The following PBRM1 variants were observed in gnomAD, a reference collection of about 807,000 sequenced individuals.
PBRM1 encodes the protein polybromo 1.
A neutral mutation model predicts 194.5 loss-of-function variants in PBRM1; 27 were observed. The observed-to-expected ratio is 0.14, with a 90% CI of 0.10 to 0.19. PBRM1 has a LOEUF of 0.19. Ranked by LOEUF, PBRM1 falls within the 10% of genes least tolerant of loss-of-function variation. The probability of loss-of-function intolerance (pLI) is 1.00; values close to 1 mark genes in which losing one functional copy is unlikely to be tolerated. For synonymous variants in PBRM1, 655 were observed against 693.2 expected, an observed-to-expected ratio of 0.94 and a Z score of 0.87; for missense variants, 1,466 against 2,077.2, an observed-to-expected ratio of 0.71 and a Z score of 5.72.
At chr3:52,545,914 C>T (rs539614637), downstream of PBRM1, 1 of 232,874 alleles carries the variant, frequency 4.3e-6, no homozygotes, top group African/African-American at 2.2e-5. Context: ...AACGATATCC[C>T]CCAAGTTAAT....
chr3:52,590,707 C>T (rs11708075), intron 17 of PBRM1, among the ~76,000 whole-genome samples: 51,428 of 152,058 alleles, frequency 0.34, 9,711 homozygotes, highest in Admixed American at 0.46. Flanking sequence ...AAGTGATCTG[C>T]CCGCCTTAGC....
At chr3:52,614,373 CAAAAAAA>C (rs1165930996) in intron 15 of PBRM1, among the ~76,000 whole-genome samples, 3 of 40,920 alleles carry the variant, frequency 7.3e-5, no homozygotes, top group African/African-American at 9.2e-5. Context: ...GATGCTTCAT[CAAAAAAA>C]AAAAAAAAAA....
chr3:52,586,694 G>GGGT lies in PBRM1; in HGVS notation c.3124-9_3124-7dup. On this transcript the variant is annotated splice_region_variant and splice_polypyrimidine_tract_variant and intron_variant, in intron 19 of 29. Transcript: ENST00000296302. ...GGGCATAACTTAAAGTATTCCTGGG[G>GGGT]GGTGGGGAGGGCATAAGAATAAAAC... 6.3e-7 allele frequency: 1 copy of GGGT among 1,586,412 alleles called. No homozygotes were observed.
At chr3:52,677,567 C>T (rs1469166566) in intron 2 of PBRM1, among the ~76,000 whole-genome samples, 1 of 152,134 alleles carries the variant, frequency 6.6e-6, no homozygotes, top group Non-Finnish European at 1.5e-5. Flanking sequence ...CGCCCACCAC[C>T]AAGCCTGGCT....
At chr3:52,669,700 A>G (rs191788637) in intron 2 of PBRM1, among the ~76,000 whole-genome samples, 1 of 152,306 alleles carries the variant, frequency 6.6e-6, no homozygotes, top group Non-Finnish European at 1.5e-5. Flanking sequence ...AATTATTTTT[A>G]AATTTGTATT....
At chr3:52,681,480 G>A (rs2097204456), upstream of PBRM1, among the ~76,000 whole-genome samples, 1 of 152,084 alleles carries the variant, frequency 6.6e-6, no homozygotes, top group Admixed American at 6.6e-5. Context: ...GCTGATTTTT[G>A]TTCATTTTAT....
chr3:52,650,382 C>T lies in PBRM1; in HGVS notation c.714+1360G>A, dbSNP rs1203616754. Among the ~76,000 whole-genome samples the T allele has an allele frequency of 2.5e-5, 3 of 118,230 alleles. No homozygotes were observed. The Admixed American group carries it at 2.9e-4, about 11-fold the overall frequency. The allele number at this position is 118,230 out of a possible 152,430, so 77.6% of individuals were successfully genotyped here. ...GTCTCAAAAAAAAAAAAAAAAAAAA[C>T]CCTAAAAAAAAAAAAAGATGATACA... On this transcript the variant is annotated intron_variant, in intron 6 of 29. Coordinates refer to ENST00000296302, the Ensembl canonical transcript of PBRM1.
chr3:52,570,532 C>A lies in PBRM1; in HGVS notation c.3691+6009G>T, dbSNP rs79175672. 6.5e-3 allele frequency among the ~76,000 whole-genome samples: 997 copies of A among 152,236 alleles called. 15 individuals are homozygous for A. Among genetic ancestry groups the A allele is most frequent in the African/African-American group, 0.023 (950 of 41,538 alleles). ...TAGGAAAAAATAATAATTCTGCTTA[C>A]AACCAAAGAGTAAAAGTGATTGGTG... On this transcript the variant is annotated intron_variant, in intron 22 of 29. Transcript: ENST00000296302.
chr3:52,648,643 G>A (rs926110959), intron 6 of PBRM1, among the ~76,000 whole-genome samples: 19 of 151,954 alleles, frequency 1.3e-4, no homozygotes, highest in Non-Finnish European at 2.6e-4. Flanking sequence ...TTTTGAGATA[G>A]GTAACAAAAC....
chr3:52,575,508 CTTTTTTTTT>C (rs1177139118), intron 22 of PBRM1, among the ~76,000 whole-genome samples: 2 of 87,138 alleles, frequency 2.3e-5, no homozygotes, highest in Admixed American at 1.3e-4. Flanking sequence ...AATCAATTGT[CTTTTTTTTT>C]TTTTTTTTTT....
At chr3:52,556,101 G>A (rs547715898) in intron 26 of PBRM1, among the ~76,000 whole-genome samples, 17 of 152,098 alleles carry the variant, frequency 1.1e-4, no homozygotes, top group Non-Finnish European at 2.5e-4. Flanking sequence ...TCAAATAGTG[G>A]AAAACTTCAG....
chr3:52,554,680 A>G, intron 27 of PBRM1, 44 bp downstream of exon 29: 1 of 1,478,074 alleles, frequency 6.8e-7, no homozygotes, highest in South Asian at 1.4e-5. Context: ...GAAAAAGAGA[A>G]TATGAAGATG....
At chr3:52,628,520 G>A (rs2095517266) in intron 12 of PBRM1, among the ~76,000 whole-genome samples, 1 of 151,408 alleles carries the variant, frequency 6.6e-6, no homozygotes, top group Non-Finnish European at 1.5e-5. Flanking sequence ...GCCCAAGCTG[G>A]AGTGCAGTGG....
chr3:52,593,062 G>T (rs2093247688), intron 17 of PBRM1, among the ~76,000 whole-genome samples: 1 of 151,970 alleles, frequency 6.6e-6, no homozygotes, highest in African/African-American at 2.4e-5. Context: ...CATTATTCTA[G>T]CTAGCGGTCC....
At chr3:52,580,095 C>T (rs1296755345) in intron 20 of PBRM1, among the ~76,000 whole-genome samples, 1 of 152,114 alleles carries the variant, frequency 6.6e-6, no homozygotes, top group Non-Finnish European at 1.5e-5. Flanking sequence ...TAAAAATTAG[C>T]TGTCTTTGGT....
chr3:52,671,943 T>G (rs1045229773), intron 2 of PBRM1, among the ~76,000 whole-genome samples: 1 of 152,200 alleles, frequency 6.6e-6, no homozygotes, highest in African/African-American at 2.4e-5. Context: ...AATCTAAATC[T>G]TTAGTTAACT....
At chr3:52,607,935 C>A (rs2094432105) in intron 16 of PBRM1, among the ~76,000 whole-genome samples, 1 of 152,174 alleles carries the variant, frequency 6.6e-6, no homozygotes, top group Admixed American at 6.5e-5. Flanking sequence ...ATATCATATT[C>A]ATTTCCTAAC....
chr3:52,615,402 G>A, exon 15 of PBRM1: 1 of 1,612,954 alleles, frequency 6.2e-7, no homozygotes, highest in Non-Finnish European at 8.5e-7. Flanking sequence ...AGTGGGCCCA[G>A]CTCTTTCCTT....
chr3:52,575,226 C>CCGAA (rs2089075180), intron 22 of PBRM1, among the ~76,000 whole-genome samples: 1 of 150,954 alleles, frequency 6.6e-6, no homozygotes, highest in Non-Finnish European at 1.5e-5. Context: ...TTAAAACAAA[C>CCGAA]CAAACAAACA....
Sources: gnomAD v4.1 joint callset for allele counts (sites outside exome capture counted in the v4.1 genomes callset) on GRCh38, gnomAD v4.1.1 for gene constraint, MANE v1.5 for transcripts, NCBI Gene and HGNC (gene_info 2026-07-23, HGNC 2026-07-21) for gene names.